The following DMTF1 variants were observed in gnomAD, a reference collection of about 807,000 sequenced individuals.
DMTF1 encodes cyclin D binding myb like transcription factor 1, also known as cyclin-D-binding Myb-like transcription factor 1.
Under a neutral mutation model 91.1 loss-of-function variants are expected in DMTF1, and 39 were observed. The ratio of observed to expected loss-of-function variants is 0.43; its 90% CI spans 0.33 to 0.56. DMTF1 has a LOEUF of 0.56. Among genes scored for constraint, DMTF1 ranks in the 20% least tolerant of loss-of-function variants. The pLI is 0.05. For missense variants in DMTF1, 750 were observed against 914.5 expected (o/e 0.82, Z 2.32); for synonymous variants, 338 against 309.5 (o/e 1.09, Z -0.97).
At chr7:87,184,698 T>G in intron 11 of DMTF1, 73 bp downstream of exon 11, 1 of 1,319,402 alleles carries the variant, frequency 7.6e-7, no homozygotes, top group Non-Finnish European at 1.1e-6. Flanking sequence ...TTTCCTCTTT[T>G]GGTTTTCCTG....
intron 1 of DMTF1, chr7:87,154,331 C>T (rs146673087): frequency 1.3e-5 from 2 of 152,582 alleles, no homozygotes; most frequent in African/African-American, 4.8e-5. Context: ...TTTTAACTCT[C>T]GATACTAGGT....
At chr7:87,192,660 T>C (rs1338509366) in intron 14 of DMTF1, 1 of 152,256 alleles carries the variant, frequency 6.6e-6, no homozygotes, top group African/African-American at 2.4e-5. Context: ...TGGTCAATTT[T>C]ATTATACTTC....
chr7:87,165,903 T>A (rs750086808), intron 3 of DMTF1, among the ~76,000 whole-genome samples: 12 of 152,348 alleles, frequency 7.9e-5, no homozygotes, highest in Non-Finnish European at 1.3e-4. Flanking sequence ...CTGCCTTTGT[T>A]AGTTCAGTTT....
chr7:87,153,014 T>C (rs1789595843), intron 1 of DMTF1: 1 of 154,320 alleles, frequency 6.5e-6, no homozygotes, highest in African/African-American at 2.4e-5. Context: ...GTTTTCGGTT[T>C]TGTTTTATGG....
At chr7:87,188,849 G>C (rs1335627731) in intron 13 of DMTF1, among the ~76,000 whole-genome samples, 2 of 152,098 alleles carry the variant, frequency 1.3e-5, no homozygotes, top group Non-Finnish European at 2.9e-5. Context: ...GTTAGAGTGA[G>C]AACTTTTTTC....
intron 14 of DMTF1, among the ~76,000 whole-genome samples, chr7:87,192,026 G>A (rs542513808): frequency 6.6e-6 from 1 of 152,134 alleles, no homozygotes; most frequent in East Asian, 1.9e-4. Flanking sequence ...AGTGGTCTTT[G>A]AAATGGGGAT....
At position 87,193,970 on chromosome 7, in the gene DMTF1, A is replaced by G. The variant is rs1201943291; in HGVS notation, c.1896A>G (p.Val632=). The change falls in exon 16 of 18, where the codon GTA becomes GTG. Residue 632 remains valine, a synonymous_variant. Transcript: ENST00000331242. ...TVEPSFNDAH[V]SKFSDQNSTE... is the part of the protein sequence containing the mutation. ...AGCCATCATTTAATGATGCTCATGT[A>G]TCCAAATTCAGTGACCAAAATAGCA... 2 of 1,613,274 alleles carry G rather than the reference A, an allele frequency of 1.2e-6. No individual in the cohort carries two copies. The highest frequency in any genetic ancestry group is 2.7e-5 in the African/African-American group (2 of 74,858).
intron 14 of DMTF1, 74 bp downstream of exon 14, chr7:87,191,101 T>C: frequency 1.0e-6 from 1 of 976,746 alleles, no homozygotes; most frequent in South Asian, 1.5e-5. Flanking sequence ...TTGTGTTTCA[T>C]TTGCTTATGA....
In DMTF1 at chr7:87,196,283, T is replaced by C. The variant is rs986429829; in HGVS notation, c.*1143T>C. 39 of 168,320 alleles carry C rather than the reference T, an allele frequency of 2.3e-4. No homozygotes were observed. Among genetic ancestry groups the C allele is most frequent in the African/African-American group, 7.1e-4 (30 of 42,016 alleles). 10.4% of individuals were successfully genotyped at this position (168,320 alleles called of 1,614,324 possible). ...CAAAAGTTGGTTGCCTAGGGAACAATTGTATATTCAGTTTAACAGAAATAA... is the reference window on the plus strand; with the variant it reads ...CAAAAGTTGGTTGCCTAGGGAACAACTGTATATTCAGTTTAACAGAAATAA... On this transcript the variant is annotated 3_prime_UTR_variant, in exon 18 of 18. Coordinates refer to ENST00000331242, the MANE Select transcript of DMTF1 (RefSeq NM_001142327.2).
chr7:87,178,943 G>A (rs375206606), intron 7 of DMTF1, among the ~76,000 whole-genome samples: 2 of 151,712 alleles, frequency 1.3e-5, no homozygotes, highest in South Asian at 2.1e-4. Flanking sequence ...TTGATTTTCT[G>A]TCTCTTCCAG....
Position 87,195,227 on chromosome 7 carries a change from G to A in DMTF1, c.*87G>A, listed in dbSNP as rs1323006383. 6 of 916,330 alleles carry A rather than the reference G, an allele frequency of 6.5e-6. No homozygotes were observed. Among genetic ancestry groups the A allele is most frequent in the Non-Finnish European group, 6.8e-6 (4 of 590,664 alleles). 56.8% of individuals were successfully genotyped at this position (916,330 alleles called of 1,614,324 possible). A position where few individuals can be genotyped will look rare whatever the true frequency, so the allele number is the denominator to read the frequency against. On this transcript the variant is annotated 3_prime_UTR_variant, in exon 18 of 18. Coordinates refer to ENST00000331242, the MANE Select transcript of DMTF1 (RefSeq NM_001142327.2). ...AAAGAAATAGGAGCAACCCCCAAGA[G>A]GCTTAATTTACCAATTTAAATAGCC... is the stretch of plus-strand genomic sequence containing the variant.
chr7:87,181,308 G>T lies in DMTF1; in HGVS notation c.678-1G>T. The stretch of plus-strand genomic sequence containing the variant: ...TTTTAAAAATTTCTCTGAATTTCTA[G>T]ATATACACCTGAAGAAATTGAGAAG... On this transcript the variant is annotated splice_acceptor_variant, in intron 8 of 17. Transcript: ENST00000331242. LOFTEE classifies it high-confidence loss of function. 1 of 1,260,082 alleles carries T rather than the reference G, an allele frequency of 7.9e-7. No homozygotes were observed. Among genetic ancestry groups the T allele is most frequent in the Non-Finnish European group, 1.1e-6 (1 of 888,516 alleles). The allele number at this position is 1,260,082 out of a possible 1,614,324, so 78.1% of individuals were successfully genotyped here. A position where few individuals can be genotyped will look rare whatever the true frequency, so the allele number is the denominator to read the frequency against.
intron 3 of DMTF1, among the ~76,000 whole-genome samples, chr7:87,166,067 C>G (rs151158989): frequency 2.0e-5 from 3 of 152,102 alleles, no homozygotes; most frequent in African/African-American, 7.2e-5. Flanking sequence ...TTAATTTGGC[C>G]CATAGGCCCC....
intron 16 of DMTF1, 27 bp downstream of exon 16, chr7:87,194,129 A>G (rs551041148): frequency 6.5e-7 from 1 of 1,530,150 alleles, no homozygotes; most frequent in African/African-American, 1.4e-5. Flanking sequence ...GAACAACTGA[A>G]TGGATTCTTG....
intron 9 of DMTF1, chr7:87,181,996 C>G (rs1253596784): frequency 6.6e-7 from 1 of 1,509,300 alleles, no homozygotes. Context: ...ATCCAAGTTA[C>G]TTATTTCTTC....
intron 1 of DMTF1, among the ~76,000 whole-genome samples, chr7:87,162,230 C>T (rs558851640): frequency 2.0e-5 from 3 of 152,272 alleles, no homozygotes; most frequent in South Asian, 2.1e-4. Context: ...TACACCACCA[C>T]ACCTGGCTAA....
chr7:87,164,372 A>G (rs1344626844), intron 2 of DMTF1: 1 of 152,168 alleles, frequency 6.6e-6, no homozygotes, highest in African/African-American at 2.4e-5. Flanking sequence ...ACCTGTTTCA[A>G]AAGAAGGACT....
intron 5 of DMTF1, among the ~76,000 whole-genome samples, chr7:87,171,489 A>G (rs1192446580): frequency 6.6e-6 from 1 of 152,196 alleles, no homozygotes; most frequent in Non-Finnish European, 1.5e-5. Flanking sequence ...AGCTATTTTG[A>G]CATAGTTTGG....
intron 4 of DMTF1, 26 bp downstream of exon 4, chr7:87,166,631 TAG>T (rs3058402): frequency 0.75 from 1,204,786 of 1,603,854 alleles, 458,003 homozygotes; most frequent in Middle Eastern, 0.82. Context: ...TTAAGAGCCA[TAG>T]AGTTCCCTTT....
Sources: allele counts gnomAD v4.1 joint callset (sites outside exome capture counted in the v4.1 genomes callset), GRCh38; gene constraint gnomAD v4.1.1; transcripts MANE v1.5; gene names NCBI Gene and HGNC (gene_info 2026-07-23, HGNC 2026-07-21).